CSMD2: variants seen among roughly 807,000 people sequenced by gnomAD.
CSMD2 encodes CUB and Sushi multiple domains 2.
CSMD2 carries 130 observed loss-of-function variants against 398.5 expected under a neutral mutation model. The ratio of observed to expected loss-of-function variants is 0.33; its 90% confidence interval spans 0.28 to 0.38. The LOEUF is 0.38. CSMD2 is among the 10% of genes least tolerant of loss of function. CSMD2 has a pLI of 1.00. For synonymous variants in CSMD2, 1,828 were observed against 1,908.5 expected (o/e 0.96, Z 1.10); for missense variants, 3,829 against 4,764.9 (o/e 0.80, Z 5.78).
At chr1:34,141,694 AG>A (rs5773457) in intron 1 of CSMD2, among the ~76,000 whole-genome samples, 109,431 of 151,968 alleles carry the variant, frequency 0.72, 42,052 homozygotes, top group Non-Finnish European at 0.84. Flanking sequence ...GCACATGGAA[AG>A]GACCTTGACT....
intron 2 of CSMD2, among the ~76,000 whole-genome samples, chr1:34,041,994 C>A (rs1438907656): frequency 6.6e-6 from 1 of 152,194 alleles, no homozygotes; most frequent in Non-Finnish European, 1.5e-5. Flanking sequence ...GAGGAACATA[C>A]CTGGTTGAAT....
At chr1:34,056,000 C>T (rs181447926) in intron 2 of CSMD2, among the ~76,000 whole-genome samples, 17 of 152,316 alleles carry the variant, frequency 1.1e-4, no homozygotes, top group African/African-American at 3.1e-4. Context: ...AGGATTTCAG[C>T]AGCCGTATGT....
chr1:33,519,841 C>G lies in CSMD2; in HGVS notation c.10707G>C (p.Ala3569=), dbSNP rs759844060. Residue 3569 remains alanine (A), a synonymous_variant, in exon 69 of 71, where the codon GCG becomes GCC. Coordinates refer to ENST00000373381, the MANE Select transcript of CSMD2 (RefSeq NM_001281956.2). The surrounding 1 kb of genome is among the most constrained non-coding windows in gnomAD (Gnocchi z 5.6). ...GCTTGTAGAGATAGAGCACGAAGCC[C>G]GCAATAATGAGGGCGATGAAAGGCA... is the stretch of plus-strand genomic sequence containing the variant. ...ILVPFIALII[A]GFVLYLYKHR... 10 of 1,613,968 alleles carry G rather than the reference C, an allele frequency of 6.2e-6. 1 individual carries two copies. In the South Asian group the frequency reaches 1.1e-4, roughly 18 times the overall value.
At chr1:33,945,577 G>A (rs1234710323) in intron 3 of CSMD2, among the ~76,000 whole-genome samples, 2 of 152,108 alleles carry the variant, frequency 1.3e-5, no homozygotes, top group East Asian at 3.8e-4. Flanking sequence ...AGAAGGTTTG[G>A]GATACAGCAA....
intron 2 of CSMD2, among the ~76,000 whole-genome samples, chr1:34,038,171 C>A (rs368787871): frequency 6.6e-6 from 1 of 152,172 alleles, no homozygotes; most frequent in African/African-American, 2.4e-5. Flanking sequence ...TTAGGAGGAG[C>A]TATGGTGTTG....
chr1:34,042,083 C>T (rs1272017989), intron 2 of CSMD2, among the ~76,000 whole-genome samples: 1 of 152,202 alleles, frequency 6.6e-6, no homozygotes, highest in Non-Finnish European at 1.5e-5. Flanking sequence ...AAACTCTGAT[C>T]TCAACAAACT....
intron 2 of CSMD2, among the ~76,000 whole-genome samples, chr1:34,035,379 G>A (rs1209992725): frequency 6.6e-6 from 1 of 152,094 alleles, no homozygotes; most frequent in Non-Finnish European, 1.5e-5. Flanking sequence ...TATTACTCTG[G>A]TACCAAGCCA....
chr1:34,104,907 G>T (rs922444261), intron 1 of CSMD2, among the ~76,000 whole-genome samples: 1 of 152,144 alleles, frequency 6.6e-6, no homozygotes, highest in Non-Finnish European at 1.5e-5. Flanking sequence ...CCACTAATTT[G>T]TCACCTGCAG....
chr1:33,879,658 C>T (rs1267296836), intron 5 of CSMD2, among the ~76,000 whole-genome samples: 2 of 152,176 alleles, frequency 1.3e-5, no homozygotes. Flanking sequence ...CATTCCTGCT[C>T]TAACCACCAC....
chr1:33,613,105 C>CT (rs200848228), intron 40 of CSMD2, among the ~76,000 whole-genome samples: 2,390 of 152,308 alleles, frequency 0.016, 26 homozygotes, highest in Non-Finnish European at 0.024. Context: ...TCTTTACACG[C>CT]TGAGACCAGG....
In CSMD2 at chr1:33,633,629, G is replaced by C. The variant is rs932807173; in HGVS notation, c.5087-94C>G. 6 of 902,818 alleles carry C rather than the reference G, an allele frequency of 6.6e-6. No individual in the cohort carries two copies. Among genetic ancestry groups the C allele is most frequent in the African/African-American group, 6.6e-5 (4 of 60,656 alleles). 55.9% of individuals were successfully genotyped at this position (902,818 alleles called of 1,614,324 possible). A position where few individuals can be genotyped will look rare whatever the true frequency, so the allele number is the denominator to read the frequency against. On this transcript the variant is annotated intron_variant, in intron 31 of 70. Transcript: ENST00000373381. This position sits in a 1 kb window ranked among gnomAD's most constrained non-coding sequence, Gnocchi z 5.0. ...AGGGGCCCAAGCCAGGAGGAGGGCA[G>C]CCCTGGGGAAGTTGTTGGTTCCTGG...
intron 46 of CSMD2, among the ~76,000 whole-genome samples, chr1:33,586,135 C>A (rs150817411): frequency 1.3e-5 from 2 of 152,204 alleles, no homozygotes; most frequent in Admixed American, 1.3e-4. Context: ...TGAGTGCATC[C>A]GCGCATCAGT....
intron 2 of CSMD2, among the ~76,000 whole-genome samples, chr1:34,060,480 G>C (rs186603990): frequency 4.1e-4 from 62 of 152,286 alleles, no homozygotes; most frequent in Middle Eastern, 3.4e-3. Flanking sequence ...CAGGGCCCCT[G>C]GGGGAGGACA....
intron 2 of CSMD2, among the ~76,000 whole-genome samples, chr1:34,076,921 AAAAAAAAAT>A (rs1299796500): frequency 1.8e-5 from 2 of 111,998 alleles, no homozygotes; most frequent in Non-Finnish European, 3.5e-5. Context: ...AAAAAAAAAA[AAAAAAAAAT>A]ATATATATAT....
At chr1:33,766,196 TGG>T (rs959776974) in intron 13 of CSMD2, among the ~76,000 whole-genome samples, 11 of 152,128 alleles carry the variant, frequency 7.2e-5, no homozygotes, top group African/African-American at 2.7e-4. Flanking sequence ...CGTGTGTGTG[TGG>T]GTGTTTATGT....
chr1:33,787,563 G>A (rs1242507036), intron 12 of CSMD2, among the ~76,000 whole-genome samples: 1 of 152,178 alleles, frequency 6.6e-6, no homozygotes, highest in Non-Finnish European at 1.5e-5. Flanking sequence ...CACTGTCCAG[G>A]CAGCTCTTTT....
intron 60 of CSMD2, 150 bp downstream of exon 60, chr1:33,540,375 T>A (rs980889550): frequency 1.4e-6 from 1 of 715,266 alleles, no homozygotes; most frequent in Non-Finnish European, 2.3e-6. Flanking sequence ...TTCCACTTCC[T>A]TCCCTCTTTA....
In CSMD2 at chr1:33,797,380, C is replaced by T. The variant is rs184737808; in HGVS notation, c.1447-4854G>A. Among the ~76,000 whole-genome samples the T allele has an allele frequency of 1.3e-3, 195 of 152,326 alleles. 1 individual carries two copies. Among genetic ancestry groups the T allele is most frequent in the African/African-American group, 4.3e-3 (178 of 41,566 alleles). The stretch of plus-strand genomic sequence containing the variant: ...GACACTTATGGAAAATAGAAAGAAT[C>T]GATGTCTAAATATTAGGGGCAGGTT... On this transcript the variant is annotated intron_variant, in intron 10 of 70. Coordinates refer to ENST00000373381, the MANE Select transcript of CSMD2 (RefSeq NM_001281956.2).
At position 33,515,863 on chromosome 1, in the gene CSMD2, C is replaced by G. The variant is rs1653721521; in HGVS notation, c.*761G>C. On this transcript the variant is annotated 3_prime_UTR_variant, in exon 71 of 71. Transcript: ENST00000373381. ...TATCCTCCCCGGCTCTCCCTTCTTT[C>G]CCAGTGCTTCCCAGGACCCAAATGA... The G allele has an allele frequency of 6.6e-6, 1 of 152,250 alleles. No homozygotes were observed. The highest frequency in any genetic ancestry group is 2.4e-5 in the African/African-American group (1 of 41,440). The allele number at this position is 152,250 out of a possible 1,614,324, so 9.4% of individuals were successfully genotyped here.
Sources: gnomAD v4.1 joint callset for allele counts (sites outside exome capture counted in the v4.1 genomes callset) on GRCh38, gnomAD v4.1.1 for gene constraint, Gnocchi (gnomAD v3.1) non-coding constraint, MANE v1.5 for transcripts, NCBI Gene and HGNC (gene_info 2026-07-23, HGNC 2026-07-21) for gene names.